The following OXR1 variants were observed in gnomAD, a reference collection of about 807,000 sequenced individuals.
OXR1 encodes the protein oxidation resistance protein 1.
A neutral mutation model predicts 104.6 loss-of-function variants in OXR1; 41 were observed. The ratio of observed to expected loss-of-function variants is 0.39; its 90% confidence interval spans 0.31 to 0.51. OXR1 has a LOEUF of 0.51. OXR1 is among the 20% of genes least tolerant of loss of function. OXR1 has a pLI of 0.77. For synonymous variants in OXR1, 348 were observed against 348.4 expected (o/e 1.00, Z 0.01); for missense variants, 955 against 1,031.9 (o/e 0.93, Z 1.02).
intron 11 of OXR1, among the ~76,000 whole-genome samples, chr8:106,717,483 A>G (rs1359146840): frequency 6.6e-6 from 1 of 152,176 alleles, no homozygotes; most frequent in African/African-American, 2.4e-5. Context: ...CTTTAGTGAT[A>G]CTTAAAAAAG....
At chr8:106,547,286 G>T (rs1420347427) in intron 3 of OXR1, among the ~76,000 whole-genome samples, 1 of 152,054 alleles carries the variant, frequency 6.6e-6, no homozygotes, top group African/African-American at 2.4e-5. Context: ...TTGAAACTTT[G>T]TGCCCATTAA....
intron 3 of OXR1, 114 bp from the exon 4 acceptor site, chr8:106,679,096 G>A (rs1827890906): frequency 1.8e-6 from 1 of 545,778 alleles, no homozygotes; most frequent in Middle Eastern, 2.8e-4. Flanking sequence ...ATCCCAGGGA[G>A]TAAGCTGTAT....
rs770039828 is a variant in OXR1 at position 106,707,044 on chromosome 8, C to T, written c.1523C>T (p.Thr508Ile). 1.2e-6 allele frequency: 2 copies of T among 1,613,852 alleles called. No homozygotes were observed. Among genetic ancestry groups the T allele is most frequent in the Non-Finnish European group, 1.7e-6 (2 of 1,179,888 alleles). The change falls in exon 9 of 17, where the codon ACC becomes ATC. Residue 508 changes from threonine to isoleucine, a missense_variant. This residue lies in a region of OXR1 where 849 missense variants were observed against 852.9 expected (regional missense o/e 1.00). Transcript: ENST00000517566. ...GAAGAGCTACGCAAACTTTGGAAAA[C>T]CCATACTATGCAACAAACTAAACAG... ...EAEELRKLWK[T>I]HTMQQTKQQR...
intron 7 of OXR1, among the ~76,000 whole-genome samples, chr8:106,693,573 G>T (rs867944641): frequency 1.1e-4 from 16 of 151,826 alleles, no homozygotes; most frequent in African/African-American, 3.9e-4. Flanking sequence ...GGGATTATAG[G>T]CACTCGCCAC....
At chr8:106,635,946 T>C (rs985054968) in intron 3 of OXR1, among the ~76,000 whole-genome samples, 1 of 152,194 alleles carries the variant, frequency 6.6e-6, no homozygotes. Flanking sequence ...CAAGAAATGA[T>C]TCCATGGTAG....
intron 3 of OXR1, among the ~76,000 whole-genome samples, chr8:106,532,294 G>T (rs1171209465): frequency 6.6e-6 from 1 of 152,190 alleles, no homozygotes; most frequent in Non-Finnish European, 1.5e-5. Context: ...GCCATATAGT[G>T]TAAGAGCTAA....
Position 106,643,427 on chromosome 8 carries a change from C to T in OXR1, c.221-35783C>T, listed in dbSNP as rs548975560. 4.2e-4 allele frequency among the ~76,000 whole-genome samples: 49 copies of T among 115,698 alleles called. 1 individual carries two copies. The South Asian group carries it at 0.013, about 31-fold the overall frequency. The allele number at this position is 115,698 out of a possible 152,430, so 75.9% of individuals were successfully genotyped here. ...AATAGGCTGAAATTCTGAAGGGAAT[C>T]AATAGAATTTTTTTTTTTTTTAATT... On this transcript the variant is annotated intron_variant, in intron 3 of 16. Coordinates refer to ENST00000517566, the MANE Select transcript of OXR1 (RefSeq NM_001198533.2).
chr8:106,270,669 G>T (rs1333550834), intron 1 of OXR1, among the ~76,000 whole-genome samples: 6 of 152,148 alleles, frequency 3.9e-5, no homozygotes, highest in Non-Finnish European at 5.9e-5. Context: ...AGGAGACCGG[G>T]CGGGGAGGCT....
At chr8:106,429,617 G>A (rs979674848) in intron 2 of OXR1, among the ~76,000 whole-genome samples, 8 of 146,788 alleles carry the variant, frequency 5.5e-5, no homozygotes, top group South Asian at 2.1e-4. Flanking sequence ...CCGAGATCTC[G>A]CCACTGCACT....
At chr8:106,304,090 T>A (rs957954250) in intron 1 of OXR1, among the ~76,000 whole-genome samples, 2 of 152,160 alleles carry the variant, frequency 1.3e-5, no homozygotes, top group African/African-American at 4.8e-5. Context: ...TTATATCAAA[T>A]CCTCTCTAAT....
intron 2 of OXR1, among the ~76,000 whole-genome samples, chr8:106,429,277 C>T (rs903308867): frequency 6.6e-6 from 1 of 152,032 alleles, no homozygotes; most frequent in African/African-American, 2.4e-5. Flanking sequence ...TGGAGGATGC[C>T]GGCCCAAGAC....
At chr8:106,710,592 G>T in intron 9 of OXR1, 30 bp from the exon 10 acceptor site, 1 of 1,456,672 alleles carries the variant, frequency 6.9e-7, no homozygotes, top group South Asian at 1.5e-5. Flanking sequence ...TGTGAGAATT[G>T]AATAAACACT....
At chr8:106,634,080 A>T (rs967486274) in intron 3 of OXR1, among the ~76,000 whole-genome samples, 5 of 152,182 alleles carry the variant, frequency 3.3e-5, no homozygotes. Flanking sequence ...TTTGTTACAA[A>T]ATTTCCATGA....
At chr8:106,733,535 C>G (rs1453247084) in intron 11 of OXR1, among the ~76,000 whole-genome samples, 1 of 152,118 alleles carries the variant, frequency 6.6e-6, no homozygotes, top group Admixed American at 6.5e-5. Context: ...TCTTTCATCT[C>G]TTAGCATCTC....
At chr8:106,649,694 A>T (rs866115049) in intron 3 of OXR1, among the ~76,000 whole-genome samples, 6 of 148,740 alleles carry the variant, frequency 4.0e-5, no homozygotes, top group African/African-American at 9.8e-5. Context: ...ATCTGTCAAA[A>T]ATATATATAT....
chr8:106,492,187 G>A (rs998954769), intron 2 of OXR1, among the ~76,000 whole-genome samples: 1 of 152,116 alleles, frequency 6.6e-6, no homozygotes, highest in Non-Finnish European at 1.5e-5. Flanking sequence ...CACAGTTTGG[G>A]AATGACAGAG....
chr8:106,485,128 G>A (rs1204571747), intron 2 of OXR1, among the ~76,000 whole-genome samples: 1 of 151,880 alleles, frequency 6.6e-6, no homozygotes, highest in Non-Finnish European at 1.5e-5. Context: ...TAAAACTATG[G>A]ATACAACAAA....
intron 1 of OXR1, among the ~76,000 whole-genome samples, chr8:106,305,113 A>C (rs565028362): frequency 6.6e-6 from 1 of 152,270 alleles, no homozygotes; most frequent in Admixed American, 6.5e-5. Context: ...GTCCAGGAAA[A>C]CTATTATGTA....
At chr8:106,408,843 T>A (rs941365271) in intron 2 of OXR1, among the ~76,000 whole-genome samples, 2 of 152,162 alleles carry the variant, frequency 1.3e-5, no homozygotes, top group African/African-American at 4.8e-5. Flanking sequence ...AAGCTGGAGC[T>A]GCTTGCTTTT....
Sources: allele counts gnomAD v4.1 joint callset (sites outside exome capture counted in the v4.1 genomes callset), GRCh38; gene constraint gnomAD v4.1.1; regional missense constraint gnomAD v4.1.1; transcripts MANE v1.5; gene names NCBI Gene and HGNC (gene_info 2026-07-23, HGNC 2026-07-21).